GLIS3: variants seen among roughly 807,000 people sequenced by gnomAD.
The protein encoded by GLIS3 is GLIS family zinc finger 3.
GLIS3 carries 53 observed loss-of-function variants against 78.6 expected under a neutral mutation model. The ratio of observed to expected loss-of-function variants is 0.67; its 90% confidence interval spans 0.54 to 0.85. The LOEUF is 0.85. Among genes scored for constraint, GLIS3 ranks in the 40% least tolerant of loss-of-function variants. The pLI is 0.00. For missense variants in GLIS3, 1,703 were observed against 1,231.1 expected (o/e 1.38, Z -5.74); for synonymous variants, 684 against 509.9 (o/e 1.34, Z -4.60).
intron 4 of GLIS3, among the ~76,000 whole-genome samples, chr9:4,039,859 A>G (rs1181058028): frequency 1.3e-5 from 2 of 152,210 alleles, no homozygotes; most frequent in Non-Finnish European, 2.9e-5. Context: ...AGATGGAGCA[A>G]AAGTATCATT....
chr9:3,962,949 G>A (rs541594186), intron 4 of GLIS3, among the ~76,000 whole-genome samples: 1 of 145,132 alleles, frequency 6.9e-6, no homozygotes, highest in African/African-American at 2.6e-5. Flanking sequence ...TGATTTAAGG[G>A]GGGGGGGGGG....
intron 4 of GLIS3, among the ~76,000 whole-genome samples, chr9:3,964,082 C>G (rs957234849): frequency 6.6e-6 from 1 of 152,024 alleles, no homozygotes; most frequent in African/African-American, 2.4e-5. Flanking sequence ...AAACAGACAC[C>G]GAGAGAGTGC....
intron 2 of GLIS3, among the ~76,000 whole-genome samples, chr9:4,163,970 G>A (rs1324179121): frequency 1.3e-5 from 2 of 152,178 alleles, no homozygotes; most frequent in East Asian, 3.8e-4. Flanking sequence ...GGATACCATG[G>A]TACAGTGATT....
intron 2 of GLIS3, among the ~76,000 whole-genome samples, chr9:4,261,156 G>A (rs1460270071): frequency 1.3e-5 from 2 of 152,116 alleles, no homozygotes; most frequent in Non-Finnish European, 2.9e-5. Context: ...CTCATCCCAA[G>A]GTAAAATTCA....
At chr9:4,013,916 G>C (rs979546131) in intron 4 of GLIS3, among the ~76,000 whole-genome samples, 1 of 152,130 alleles carries the variant, frequency 6.6e-6, no homozygotes, top group African/African-American at 2.4e-5. Context: ...TGTACAGTTG[G>C]GCAGGTTGTA....
intron 4 of GLIS3, among the ~76,000 whole-genome samples, chr9:3,991,682 G>GT (rs1563926588): frequency 9.9e-6 from 1 of 100,732 alleles, no homozygotes. Flanking sequence ...TAAGTAGGCT[G>GT]ATTTTTTTTT....
intron 7 of GLIS3, among the ~76,000 whole-genome samples, chr9:3,893,648 C>T (rs893291137): frequency 6.6e-6 from 1 of 152,202 alleles, no homozygotes; most frequent in Non-Finnish European, 1.5e-5. Context: ...CATATGCCTA[C>T]ATTTTATGAT....
intron 4 of GLIS3, among the ~76,000 whole-genome samples, chr9:3,993,922 A>G (rs1427255182): frequency 1.3e-5 from 2 of 152,080 alleles, no homozygotes; most frequent in Non-Finnish European, 2.9e-5. Context: ...TTTTCTGAAC[A>G]CTCACTTCCT....
At chr9:4,300,403 CAAA>C (rs1207463438), upstream of GLIS3, among the ~76,000 whole-genome samples, 2 of 134,182 alleles carry the variant, frequency 1.5e-5, no homozygotes, top group African/African-American at 8.1e-5. Context: ...AAAAAATAAA[CAAA>C]CAACCAAAAA....
At chr9:4,194,274 G>T (rs555911039) in intron 2 of GLIS3, among the ~76,000 whole-genome samples, 26 of 152,136 alleles carry the variant, frequency 1.7e-4, no homozygotes, top group Non-Finnish European at 3.7e-4. Context: ...TGCCCAGGCT[G>T]GTCTCAAACT....
At chr9:4,009,842 T>C (rs1343835565) in intron 4 of GLIS3, among the ~76,000 whole-genome samples, 1 of 152,132 alleles carries the variant, frequency 6.6e-6, no homozygotes, top group African/African-American at 2.4e-5. Context: ...CTTATGCAGA[T>C]AGAGGCAGGG....
At chr9:3,936,232 TAG>T (rs1022891927) in intron 5 of GLIS3, among the ~76,000 whole-genome samples, 4 of 152,122 alleles carry the variant, frequency 2.6e-5, no homozygotes, top group African/African-American at 7.2e-5. Context: ...TGAAATTACA[TAG>T]AGTCTACCTG....
chr9:3,960,301 C>G (rs562709758), intron 4 of GLIS3, among the ~76,000 whole-genome samples: 1 of 152,164 alleles, frequency 6.6e-6, no homozygotes, highest in African/African-American at 2.4e-5. Flanking sequence ...AGGATCCCAC[C>G]CTGCTGACTT....
At chr9:4,297,846 G>A (rs979846634) in intron 1 of GLIS3, among the ~76,000 whole-genome samples, 3 of 152,158 alleles carry the variant, frequency 2.0e-5, no homozygotes, top group Admixed American at 2.0e-4. Flanking sequence ...CGGGGGAGAG[G>A]CGCGTAGGAC....
At chr9:4,128,517 A>G (rs1200559888) in intron 2 of GLIS3, among the ~76,000 whole-genome samples, 4 of 152,272 alleles carry the variant, frequency 2.6e-5, no homozygotes, top group Admixed American at 2.6e-4. Context: ...AAAGATACTT[A>G]TAAGTGAATA....
intron 2 of GLIS3, among the ~76,000 whole-genome samples, chr9:4,273,041 T>C (rs565723546): frequency 9.2e-4 from 140 of 152,338 alleles, no homozygotes; most frequent in African/African-American, 3.3e-3. Flanking sequence ...TCTTAGTTTT[T>C]GAAGTAAACT....
chr9:4,138,105 A>G (rs1833536335), intron 2 of GLIS3, among the ~76,000 whole-genome samples: 1 of 152,240 alleles, frequency 6.6e-6, no homozygotes, highest in Non-Finnish European at 1.5e-5. Context: ...ATTCTTGCCT[A>G]CCATCTAATT....
chr9:4,319,350 C>A (rs1242583991), intron 2 of GLIS3, among the ~76,000 whole-genome samples: 3 of 152,086 alleles, frequency 2.0e-5, no homozygotes, highest in Non-Finnish European at 4.4e-5. Context: ...CAGGAAGAAA[C>A]AGAACTCAAA....
intron 4 of GLIS3, among the ~76,000 whole-genome samples, chr9:3,948,248 T>C (rs1816429959): frequency 6.6e-6 from 1 of 152,248 alleles, no homozygotes; most frequent in African/African-American, 2.4e-5. Context: ...CCCTTCATTC[T>C]TTCCGCTTGC....
Sources: allele counts gnomAD v4.1 joint callset (sites outside exome capture counted in the v4.1 genomes callset), GRCh38; gene constraint gnomAD v4.1.1; transcripts MANE v1.5; gene names NCBI Gene and HGNC (gene_info 2026-07-23, HGNC 2026-07-21).